The following LRRC4C variants were observed in gnomAD, a reference collection of about 807,000 sequenced individuals.
LRRC4C encodes leucine rich repeat containing 4C, also known as leucine-rich repeat-containing protein 4C.
In LRRC4C, 5 loss-of-function variants were observed where a neutral mutation model predicts 33.6. The ratio of observed to expected loss-of-function variants is 0.15; its 90% confidence interval spans 0.08 to 0.31. LRRC4C has a LOEUF of 0.31. Ranked by LOEUF, LRRC4C falls within the 10% of genes least tolerant of loss-of-function variation. The probability of loss-of-function intolerance (pLI) is 1.00; values close to 1 mark genes in which losing one functional copy is unlikely to be tolerated. For synonymous variants in LRRC4C, 329 were observed against 302.0 expected, an observed-to-expected ratio of 1.09 and a Z score of -0.93; for missense variants, 560 against 796.7, an observed-to-expected ratio of 0.70 and a Z score of 3.58.
chr11:40,552,719 C>G (rs1957174031), intron 3 of LRRC4C, among the ~76,000 whole-genome samples: 1 of 152,100 alleles, frequency 6.6e-6, no homozygotes, highest in Non-Finnish European at 1.5e-5. Context: ...AATGGGTTTT[C>G]TAATTATGAA....
At chr11:40,500,323 CACACACACACAT>C (rs1419532977) in intron 3 of LRRC4C, among the ~76,000 whole-genome samples, 2 of 144,928 alleles carry the variant, frequency 1.4e-5, no homozygotes, top group African/African-American at 5.3e-5. Context: ...CACACACACA[CACACACACACAT>C]TATATATATA....
intron 1 of LRRC4C, among the ~76,000 whole-genome samples, chr11:41,355,533 G>A (rs544256028): frequency 2.6e-5 from 4 of 152,038 alleles, no homozygotes; most frequent in African/African-American, 4.8e-5. Flanking sequence ...TTCCCAATTT[G>A]TATATATATC....
intron 2 of LRRC4C, among the ~76,000 whole-genome samples, chr11:40,909,587 T>C (rs1051433746): frequency 1.3e-5 from 2 of 152,114 alleles, no homozygotes; most frequent in Non-Finnish European, 2.9e-5. Flanking sequence ...TAATGAAGCA[T>C]ATAGACCAGT....
intron 3 of LRRC4C, among the ~76,000 whole-genome samples, chr11:40,615,265 T>TATATATATATATATATATATATACAC (rs1490740198): frequency 1.9e-5 from 1 of 53,436 alleles, no homozygotes; most frequent in Non-Finnish European, 6.5e-5. Context: ...TATATATATA[T>TATATATATATATATATATATATACAC]ACACACACAC....
rs149912990 is a variant in LRRC4C, at chr11:41,195,712, C to A, written c.-495-261989G>T. On this transcript the variant is annotated intron_variant, in intron 1 of 6. Coordinates refer to ENST00000528697, the MANE Select transcript of LRRC4C (RefSeq NM_001258419.2). The stretch of plus-strand genomic sequence containing the variant: ...TTACTTTATATGGAATGGAGGAAGG[C>A]CTTATACGAACAATGAAGTGAGCAA... Among the ~76,000 whole-genome samples the A allele has an allele frequency of 5.3e-3, 799 of 152,042 alleles. 10 individuals carry two copies. Among genetic ancestry groups the A allele is most frequent in the African/African-American group, 0.018 (752 of 41,492 alleles).
intron 3 of LRRC4C, among the ~76,000 whole-genome samples, chr11:40,395,415 T>C (rs577232392): frequency 2.4e-4 from 37 of 152,272 alleles, no homozygotes; most frequent in African/African-American, 8.9e-4. Context: ...CTTTCTCTCA[T>C]GTACATCACC....
chr11:40,246,624 G>T (rs926898445), intron 4 of LRRC4C, among the ~76,000 whole-genome samples: 1 of 152,046 alleles, frequency 6.6e-6, no homozygotes, highest in Non-Finnish European at 1.5e-5. Context: ...TTAACTAAAA[G>T]AAAACTGAAA....
intron 2 of LRRC4C, among the ~76,000 whole-genome samples, chr11:40,780,525 T>G (rs192277523): frequency 3.7e-4 from 56 of 152,192 alleles, no homozygotes; most frequent in Middle Eastern, 6.8e-3. Flanking sequence ...CTATTTAATA[T>G]GAAAAGGAGA....
chr11:41,142,256 T>A (rs1943540035), intron 1 of LRRC4C, among the ~76,000 whole-genome samples: 1 of 152,214 alleles, frequency 6.6e-6, no homozygotes, highest in Non-Finnish European at 1.5e-5. Context: ...GCATTAGGAA[T>A]AGAAGGGTCA....
chr11:40,817,151 A>T (rs2135432530), intron 2 of LRRC4C, among the ~76,000 whole-genome samples: 1 of 152,300 alleles, frequency 6.6e-6, no homozygotes, highest in African/African-American at 2.4e-5. Flanking sequence ...CTCACTCAGA[A>T]AACTTTCCTG....
intron 3 of LRRC4C, among the ~76,000 whole-genome samples, chr11:40,617,337 A>G (rs1040584819): frequency 6.6e-6 from 1 of 151,674 alleles, no homozygotes; most frequent in African/African-American, 2.4e-5. Flanking sequence ...CCATATCCCT[A>G]AAGTCCTCAT....
chr11:40,639,683 G>A (rs1487893826), intron 3 of LRRC4C, among the ~76,000 whole-genome samples: 1 of 152,140 alleles, frequency 6.6e-6, no homozygotes, highest in Non-Finnish European at 1.5e-5. Flanking sequence ...TTTGTGGTGT[G>A]GTTTCTTGAA....
intron 2 of LRRC4C, among the ~76,000 whole-genome samples, chr11:40,838,450 G>T (rs969702354): frequency 1.3e-5 from 2 of 152,008 alleles, no homozygotes; most frequent in Non-Finnish European, 2.9e-5. Context: ...TCATCCAAGC[G>T]GTTACCACCT....
At chr11:41,359,835 A>T (rs1952288044) in intron 1 of LRRC4C, among the ~76,000 whole-genome samples, 1 of 152,152 alleles carries the variant, frequency 6.6e-6, no homozygotes, top group African/African-American at 2.4e-5. Flanking sequence ...ACTTAACATG[A>T]TGCCTCATCA....
At chr11:40,450,671 T>G (rs1951841900) in intron 3 of LRRC4C, among the ~76,000 whole-genome samples, 2 of 151,824 alleles carry the variant, frequency 1.3e-5, no homozygotes, top group African/African-American at 4.8e-5. Flanking sequence ...AATATTATAG[T>G]TATAAGGCCT....
chr11:40,984,747 G>A (rs995550612), intron 1 of LRRC4C, among the ~76,000 whole-genome samples: 2 of 152,100 alleles, frequency 1.3e-5, no homozygotes, highest in Non-Finnish European at 2.9e-5. Context: ...TGGGAGAATA[G>A]AATCATCAAC....
chr11:41,021,343 C>G (rs1855973279), intron 1 of LRRC4C, among the ~76,000 whole-genome samples: 2 of 151,822 alleles, frequency 1.3e-5, no homozygotes, highest in Non-Finnish European at 2.9e-5. Flanking sequence ...CCACCTTCAC[C>G]TCTATTCTAG....
chr11:40,474,536 G>C (rs1953112280), intron 3 of LRRC4C, among the ~76,000 whole-genome samples: 1 of 152,148 alleles, frequency 6.6e-6, no homozygotes, highest in Non-Finnish European at 1.5e-5. Flanking sequence ...ATGACTTCAT[G>C]ACTAAAACAT....
intron 5 of LRRC4C, among the ~76,000 whole-genome samples, chr11:40,176,539 CTT>C (rs529167473): frequency 4.3e-4 from 60 of 138,750 alleles, no homozygotes; most frequent in African/African-American, 5.0e-4. Flanking sequence ...TTTTTCCACT[CTT>C]TTTTTTTTTT....
Sources: gnomAD v4.1 joint callset for allele counts (sites outside exome capture counted in the v4.1 genomes callset) on GRCh38, gnomAD v4.1.1 for gene constraint, MANE v1.5 for transcripts, NCBI Gene and HGNC (gene_info 2026-07-23, HGNC 2026-07-21) for gene names.